Variants in CNTN5 observed in about 807,000 individuals in gnomAD.
CNTN5 encodes contactin 5, also known as contactin-5.
In CNTN5, 77 loss-of-function variants were observed where a neutral mutation model predicts 129.1. That is an observed-to-expected ratio of 0.60 (90% CI 0.50 to 0.72). The LOEUF is 0.72. Ranked by LOEUF, CNTN5 falls within the 30% of genes least tolerant of loss-of-function variation. The probability of loss-of-function intolerance (pLI) is 0.00; values close to 1 mark genes in which losing one functional copy is unlikely to be tolerated. For synonymous variants in CNTN5, 509 were observed against 465.6 expected (o/e 1.09, Z -1.20); for missense variants, 1,478 against 1,328.8 (o/e 1.11, Z -1.75).
intron 9 of CNTN5, among the ~76,000 whole-genome samples, chr11:100,043,949 T>G (rs1272873706): frequency 6.6e-6 from 1 of 152,100 alleles, no homozygotes; most frequent in Non-Finnish European, 1.5e-5. Context: ...ATGTATATAT[T>G]GTGTAGTGGT....
At chr11:99,336,622 C>T (rs759018064) in intron 2 of CNTN5, among the ~76,000 whole-genome samples, 3 of 152,032 alleles carry the variant, frequency 2.0e-5, no homozygotes, top group Middle Eastern at 3.4e-3. Flanking sequence ...GTCAGATTAC[C>T]TGAGGTCAGG....
chr11:100,184,612 G>A (rs899510492), intron 13 of CNTN5, among the ~76,000 whole-genome samples: 8 of 151,974 alleles, frequency 5.3e-5, no homozygotes, highest in African/African-American at 1.9e-4. Context: ...CCAGAGAGGA[G>A]CCCTGCCTGG....
chr11:99,069,297 G>A (rs1030164550), intron 1 of CNTN5, among the ~76,000 whole-genome samples: 1 of 152,048 alleles, frequency 6.6e-6, no homozygotes, highest in African/African-American at 2.4e-5. Context: ...CAGGCCAGGC[G>A]AGGGTAATGG....
intron 8 of CNTN5, among the ~76,000 whole-genome samples, chr11:99,973,416 T>G (rs1937706895): frequency 6.6e-6 from 1 of 152,168 alleles, no homozygotes; most frequent in Admixed American, 6.5e-5. Flanking sequence ...AGGTGATAGT[T>G]GTTCTTTCCA....
chr11:99,960,667 T>A (rs547927860), intron 8 of CNTN5, among the ~76,000 whole-genome samples: 1 of 152,290 alleles, frequency 6.6e-6, no homozygotes, highest in Non-Finnish European at 1.5e-5. Flanking sequence ...AAAGTTCTGC[T>A]GTACAAAAAC....
intron 1 of CNTN5, among the ~76,000 whole-genome samples, chr11:99,035,604 T>C (rs535392109): frequency 1.2e-3 from 184 of 150,488 alleles, no homozygotes; most frequent in African/African-American, 4.2e-3. Flanking sequence ...CCTGCCTTTT[T>C]TTGTTTTCCA....
chr11:99,192,902 C>T (rs1490069143), intron 1 of CNTN5, among the ~76,000 whole-genome samples: 1 of 152,100 alleles, frequency 6.6e-6, no homozygotes, highest in Non-Finnish European at 1.5e-5. Context: ...CTAACTCCAA[C>T]ATAAATGACC....
chr11:99,968,995 A>G (rs1385494810), intron 8 of CNTN5, among the ~76,000 whole-genome samples: 3 of 152,080 alleles, frequency 2.0e-5, no homozygotes, highest in South Asian at 2.1e-4. Context: ...AAATTAAAAC[A>G]TCAAAAAAAT....
rs143642184 is a variant in CNTN5, at chr11:99,793,938, C to G, written c.56-25606C>G. On this transcript the variant is annotated intron_variant, in intron 3 of 24. Coordinates refer to ENST00000524871, the MANE Select transcript of CNTN5 (RefSeq NM_014361.4). ...TAGATGCCTATTAGTTCCATTAACT[C>G]AAGTGTTGAGTTCAGCTCCTGAATA... Among the ~76,000 whole-genome samples the G allele has an allele frequency of 1.1e-3, 174 of 152,242 alleles. 1 individual carries two copies. The highest frequency in any genetic ancestry group is 4.1e-3 in the African/African-American group (170 of 41,560).
rs1363940895 is a variant in CNTN5 at position 100,061,235 on chromosome 11, T to A, written c.1004T>A (p.Met335Lys). Residue 335 changes from methionine to lysine, a missense_variant, in exon 10 of 25, where the codon ATG becomes AAG. Physicochemically the swap from Met to Lys is moderately conservative, Grantham distance 95. Transcript: ENST00000524871. ...AGCCCCGTTCCAACAATCACATGGA[T>A]GAAGGTTAATGGTTATATTCCTAGT... ...LGNPVPTITWMKVNGYIPSKA... is the reference protein window; with the variant it reads ...LGNPVPTITWKKVNGYIPSKA... The A allele has an allele frequency of 6.2e-7, 1 of 1,610,960 alleles. No homozygotes were observed. Among genetic ancestry groups the A allele is most frequent in the Non-Finnish European group, 8.5e-7 (1 of 1,177,660 alleles).
chr11:99,594,659 G>T (rs998613710), intron 3 of CNTN5, among the ~76,000 whole-genome samples: 3 of 152,186 alleles, frequency 2.0e-5, no homozygotes, highest in Admixed American at 1.3e-4. Flanking sequence ...TAGTCACAAA[G>T]CAATAGGTAG....
intron 2 of CNTN5, among the ~76,000 whole-genome samples, chr11:99,335,881 T>G (rs896354379): frequency 1.3e-4 from 19 of 151,998 alleles, no homozygotes; most frequent in Non-Finnish European, 2.5e-4. Flanking sequence ...GGAACAGTCC[T>G]CTATGCCTGC....
intron 1 of CNTN5, among the ~76,000 whole-genome samples, chr11:99,024,300 C>T (rs1384998446): frequency 6.6e-6 from 1 of 151,906 alleles, no homozygotes; most frequent in East Asian, 1.9e-4. Flanking sequence ...ATGTTTTTTC[C>T]AGACACTTAA....
intron 13 of CNTN5, among the ~76,000 whole-genome samples, chr11:100,128,090 A>G (rs139629303): frequency 2.0e-5 from 3 of 152,188 alleles, no homozygotes; most frequent in African/African-American, 4.8e-5. Context: ...TTCAAAATTT[A>G]TATCTTTGAC....
chr11:100,200,820 G>C (rs1948760661), intron 15 of CNTN5, among the ~76,000 whole-genome samples: 1 of 151,910 alleles, frequency 6.6e-6, no homozygotes, highest in Non-Finnish European at 1.5e-5. Flanking sequence ...AATTTCAAAA[G>C]TTAAATATGC....
intron 2 of CNTN5, among the ~76,000 whole-genome samples, chr11:99,555,855 G>T (rs577994103): frequency 1.3e-5 from 2 of 151,900 alleles, no homozygotes; most frequent in South Asian, 4.1e-4. Context: ...CATTCCCTGT[G>T]AGGAAAAATT....
intron 6 of CNTN5, among the ~76,000 whole-genome samples, chr11:99,884,714 C>T (rs560747675): frequency 3.9e-5 from 6 of 152,298 alleles, no homozygotes; most frequent in Admixed American, 1.3e-4. Flanking sequence ...CGGTGGCTCA[C>T]GCCTGTAATC....
At chr11:99,643,434 A>G (rs769353136) in intron 3 of CNTN5, among the ~76,000 whole-genome samples, 31 of 152,270 alleles carry the variant, frequency 2.0e-4, no homozygotes, top group Middle Eastern at 3.4e-3. Context: ...CCAGCAATGT[A>G]TTATTCTGGA....
chr11:100,292,615 C>T (rs1951014797), intron 18 of CNTN5, among the ~76,000 whole-genome samples: 1 of 151,898 alleles, frequency 6.6e-6, no homozygotes, highest in African/African-American at 2.4e-5. Context: ...CCTTATTTAC[C>T]TTGATGAAGA....
Sources: allele counts gnomAD v4.1 joint callset (sites outside exome capture counted in the v4.1 genomes callset), GRCh38; gene constraint gnomAD v4.1.1; transcripts MANE v1.5; gene names NCBI Gene and HGNC (gene_info 2026-07-23, HGNC 2026-07-21).